Variants in GHR observed in about 807,000 individuals in gnomAD.
The protein encoded by GHR is GH receptor.
In GHR, 35 loss-of-function variants were observed where a neutral mutation model predicts 67.1. The observed-to-expected ratio is 0.52, with a 90% CI of 0.40 to 0.69. The LOEUF (loss-of-function observed/expected upper bound fraction) is 0.69, where lower values mean the gene tolerates loss of function less well. Ranked by LOEUF, GHR falls within the 30% of genes least tolerant of loss-of-function variation. The pLI, the probability that GHR is intolerant of heterozygous loss-of-function variation, is 0.00. For synonymous variants in GHR, 272 were observed against 269.1 expected (o/e 1.01, Z -0.10); for missense variants, 792 against 764.6 (o/e 1.04, Z -0.42).
At chr5:42,663,520 A>T (rs547428767) in intron 3 of GHR, among the ~76,000 whole-genome samples, 1 of 152,224 alleles carries the variant, frequency 6.6e-6, no homozygotes, top group African/African-American at 2.4e-5. Flanking sequence ...TAGATGCAGA[A>T]AAGTTCTTTG....
intron 1 of GHR, among the ~76,000 whole-genome samples, chr5:42,442,592 T>C (rs1373707886): frequency 3.3e-5 from 5 of 152,152 alleles, no homozygotes; most frequent in African/African-American, 1.2e-4. Context: ...AAGTGGTTGA[T>C]TAAACAAGAC....
chr5:42,607,731 A>T (rs1026396928), intron 2 of GHR, among the ~76,000 whole-genome samples: 1 of 152,170 alleles, frequency 6.6e-6, no homozygotes, highest in South Asian at 2.1e-4. Context: ...GGAAGACAAA[A>T]CAAAAGAAGA....
chr5:42,488,518 T>C (rs1003864934), intron 1 of GHR, among the ~76,000 whole-genome samples: 9 of 152,220 alleles, frequency 5.9e-5, no homozygotes, highest in Non-Finnish European at 8.8e-5. Context: ...CAGTTTCTGC[T>C]CTATAGATAC....
At chr5:42,467,789 A>G (rs891963913) in intron 1 of GHR, 1 of 1,490,096 alleles carries the variant, frequency 6.7e-7, no homozygotes, top group Admixed American at 1.8e-5. Context: ...CCTTTCCCAC[A>G]CATGCTACAA....
At chr5:42,433,441 C>T (rs1743183017) in intron 1 of GHR, among the ~76,000 whole-genome samples, 1 of 151,950 alleles carries the variant, frequency 6.6e-6, no homozygotes, top group Non-Finnish European at 1.5e-5. Flanking sequence ...AAAAACAGAA[C>T]ATGTATTTAT....
chr5:42,520,275 G>A (rs1747417373), intron 1 of GHR, among the ~76,000 whole-genome samples: 1 of 152,084 alleles, frequency 6.6e-6, no homozygotes, highest in African/African-American at 2.4e-5. Context: ...TATACAAGGG[G>A]AACTATAATA....
chr5:42,683,762 CACA>C (rs545705046), intron 3 of GHR, among the ~76,000 whole-genome samples: 23 of 152,326 alleles, frequency 1.5e-4, no homozygotes, highest in African/African-American at 2.9e-4. Context: ...AGCTCTGCTG[CACA>C]ACATCTGTAT....
intron 1 of GHR, among the ~76,000 whole-genome samples, chr5:42,486,662 A>G (rs527956740): frequency 6.6e-6 from 1 of 152,270 alleles, no homozygotes; most frequent in South Asian, 2.1e-4. Context: ...CCTGGCTAAC[A>G]CGGTGAAACC....
In GHR at chr5:42,718,403, AT is replaced by A. The variant is rs761041747; in HGVS notation, c.946-48del. 7.3e-4 allele frequency: 970 copies of A among 1,334,856 alleles called. 7 individuals carry two copies. The highest frequency in any genetic ancestry group is 1.5e-3 in the South Asian group (127 of 84,958). 82.7% of individuals were successfully genotyped at this position (1,334,856 alleles called of 1,614,324 possible). A position where few individuals can be genotyped will look rare whatever the true frequency, so the allele number is the denominator to read the frequency against. ...TGAACATTATTTGCTAATTCATTTA[AT>A]TATTATGAGTTTCTTTTCATAGATC... On this transcript the variant is annotated intron_variant, in intron 9 of 9. Transcript: ENST00000230882.
intron 1 of GHR, among the ~76,000 whole-genome samples, chr5:42,535,119 C>G (rs866197633): frequency 6.6e-6 from 1 of 152,230 alleles, no homozygotes; most frequent in Non-Finnish European, 1.5e-5. Flanking sequence ...TGCCCATTTA[C>G]TCTGCTGACT....
chr5:42,574,533 A>G (rs940017962), intron 2 of GHR, among the ~76,000 whole-genome samples: 2 of 152,186 alleles, frequency 1.3e-5, no homozygotes, highest in Non-Finnish European at 2.9e-5. Context: ...TACCTTGGCC[A>G]TATTTGCTTG....
intron 1 of GHR, among the ~76,000 whole-genome samples, chr5:42,452,573 G>A (rs1030381607): frequency 9.9e-5 from 15 of 152,000 alleles, no homozygotes; most frequent in Non-Finnish European, 1.5e-4. Flanking sequence ...CCCAAATTTC[G>A]TGGAAACTTT....
chr5:42,613,157 C>G (rs967448220), intron 2 of GHR, among the ~76,000 whole-genome samples: 25 of 152,160 alleles, frequency 1.6e-4, no homozygotes, highest in Admixed American at 4.6e-4. Flanking sequence ...GGGACCACTT[C>G]AAGGACTTTT....
intron 1 of GHR, among the ~76,000 whole-genome samples, chr5:42,461,983 C>T (rs1744506423): frequency 6.6e-6 from 1 of 152,334 alleles, no homozygotes; most frequent in East Asian, 1.9e-4. Context: ...TGTGAATGTT[C>T]TCCCTCTGGT....
chr5:42,495,846 A>G (rs1416183513), intron 1 of GHR, among the ~76,000 whole-genome samples: 1 of 152,092 alleles, frequency 6.6e-6, no homozygotes, highest in Non-Finnish European at 1.5e-5. Context: ...CTTGCTACAG[A>G]TTAGTTTTGG....
At chr5:42,664,910 C>T (rs538486027) in intron 3 of GHR, among the ~76,000 whole-genome samples, 1 of 152,096 alleles carries the variant, frequency 6.6e-6, no homozygotes, top group Non-Finnish European at 1.5e-5. Flanking sequence ...AAAAAACAAA[C>T]AACACCATCA....
At chr5:42,662,471 A>G (rs1755697569) in intron 3 of GHR, among the ~76,000 whole-genome samples, 2 of 152,226 alleles carry the variant, frequency 1.3e-5, no homozygotes, top group African/African-American at 2.4e-5. Flanking sequence ...CCACTCAACT[A>G]CATGGAAACT....
rs999071534 is a variant in GHR at position 42,534,258 on chromosome 5, A to G, written c.-11-31606A>G. On this transcript the variant is annotated intron_variant, in intron 1 of 9. Transcript: ENST00000230882. ...TATGTGTATATATGTATATATGTAC[A>G]TGTGTATATGTGTATATATGTATAT... Among the ~76,000 whole-genome samples, 20 of 136,870 alleles carry G rather than the reference A, an allele frequency of 1.5e-4. 1 individual carries two copies. The highest frequency in any genetic ancestry group is 5.8e-4 in the Admixed American group (8 of 13,822). 89.8% of individuals were successfully genotyped at this position (136,870 alleles called of 152,430 possible).
chr5:42,510,355 C>A (rs1236077951), intron 1 of GHR, among the ~76,000 whole-genome samples: 1 of 152,192 alleles, frequency 6.6e-6, no homozygotes, highest in Admixed American at 6.5e-5. Flanking sequence ...TATATCATCT[C>A]ATGCATCTAC....
Sources: gnomAD v4.1 joint callset for allele counts (sites outside exome capture counted in the v4.1 genomes callset) on GRCh38, gnomAD v4.1.1 for gene constraint, MANE v1.5 for transcripts, NCBI Gene and HGNC (gene_info 2026-07-23, HGNC 2026-07-21) for gene names.